The following PURB variants were observed in gnomAD, a reference collection of about 807,000 sequenced individuals.
The protein encoded by PURB is transcriptional regulator protein Pur-beta.
In PURB, 11 loss-of-function variants were observed where a neutral mutation model predicts 21.1. That is an observed-to-expected ratio of 0.52 (90% CI 0.33 to 0.86). The LOEUF is 0.86. PURB is among the 40% of genes least tolerant of loss of function. The probability of loss-of-function intolerance (pLI) is 0.02; values close to 1 mark genes in which losing one functional copy is unlikely to be tolerated. For missense variants in PURB, 357 were observed against 456.5 expected, an observed-to-expected ratio of 0.78 and a Z score of 1.99; for synonymous variants, 246 against 210.8, an observed-to-expected ratio of 1.17 and a Z score of -1.45.
chr7:44,882,089 G>A lies in PURB; in HGVS notation c.*2321C>T, dbSNP rs754203161. 6.6e-6 allele frequency: 1 copy of A among 152,622 alleles called. No homozygotes were observed. Among genetic ancestry groups the A allele is most frequent in the Non-Finnish European group, 1.5e-5 (1 of 68,064 alleles). 9.5% of individuals were successfully genotyped at this position (152,622 alleles called of 1,614,324 possible). A position where few individuals can be genotyped will look rare whatever the true frequency, so the allele number is the denominator to read the frequency against. On this transcript the variant is annotated 3_prime_UTR_variant, in exon 1 of 1. Transcript: ENST00000395699. ...AAGTTACAGCAATCAACTAATAGCT[G>A]CAACTTAAATTTTCATTGCTGCCTC... is the stretch of plus-strand genomic sequence containing the variant.
Position 44,885,368 on chromosome 7 carries a change from C to T in PURB, c.-20G>A. 1 of 1,029,152 alleles carries T rather than the reference C, an allele frequency of 9.7e-7. No homozygotes were observed. Among genetic ancestry groups the T allele is most frequent in the Non-Finnish European group, 1.2e-6 (1 of 830,436 alleles). The allele number at this position is 1,029,152 out of a possible 1,614,324, so 63.8% of individuals were successfully genotyped here. On this transcript the variant is annotated 5_prime_UTR_variant, in exon 1 of 1. Coordinates refer to ENST00000395699, the MANE Select transcript of PURB (RefSeq NM_033224.5). ...CGCCATCTTCTAGGCCGCCGCCTCGCCGCCACCGCCCGCCGCGCTCGCGCC... is the reference window on the plus strand; with the variant it reads ...CGCCATCTTCTAGGCCGCCGCCTCGTCGCCACCGCCCGCCGCGCTCGCGCC...
chr7:44,881,919 AAAG>A lies in PURB; in HGVS notation c.*2488_*2490del, dbSNP rs1219938139. The A allele has an allele frequency of 6.5e-6, 1 of 154,664 alleles. No homozygotes were observed. The highest frequency in any genetic ancestry group is 2.4e-5 in the African/African-American group (1 of 41,530). The allele number at this position is 154,664 out of a possible 1,614,324, so 9.6% of individuals were successfully genotyped here. A position where few individuals can be genotyped will look rare whatever the true frequency, so the allele number is the denominator to read the frequency against. On this transcript the variant is annotated 3_prime_UTR_variant, in exon 1 of 1. Transcript: ENST00000395699. ...TGCAATTCAGCCAAACAAAAAGAAA[AAAG>A]AATAAACCAACCCCTTAAAAAGGAG...
chr7:44,882,384 T>C lies in PURB; in HGVS notation c.*2026A>G, dbSNP rs1488522325. 1 of 152,560 alleles carries C rather than the reference T, an allele frequency of 6.6e-6. No individual in the cohort carries two copies. The highest frequency in any genetic ancestry group is 1.9e-4 in the East Asian group (1 of 5,200). The allele number at this position is 152,560 out of a possible 1,614,324, so 9.5% of individuals were successfully genotyped here. A position where few individuals can be genotyped will look rare whatever the true frequency, so the allele number is the denominator to read the frequency against. On this transcript the variant is annotated 3_prime_UTR_variant, in exon 1 of 1. Coordinates refer to ENST00000395699, the MANE Select transcript of PURB (RefSeq NM_033224.5). ...GGAGAAAAATTTAAAAGAAAAGCTT[T>C]AAAAAAATCTGTTTAAAAATTCTAC...
rs1260362970 is a variant in PURB at position 44,881,065 on chromosome 7, TCA to T, written c.*3343_*3344del. On this transcript the variant is annotated 3_prime_UTR_variant, in exon 1 of 1. Transcript: ENST00000395699. Reference sequence around the variant, plus strand: ...TAGAAGGAAGAGTAGTAGGATCTCTTCACAGATTTTTATTCTTTTGATTCTGT... The same window carrying T: ...TAGAAGGAAGAGTAGTAGGATCTCTTCAGATTTTTATTCTTTTGATTCTGT... 2 of 152,604 alleles carry T rather than the reference TCA, an allele frequency of 1.3e-5. No individual in the cohort carries two copies. The highest frequency in any genetic ancestry group is 4.8e-5 in the African/African-American group (2 of 41,454). 9.5% of individuals were successfully genotyped at this position (152,604 alleles called of 1,614,324 possible). A position where few individuals can be genotyped will look rare whatever the true frequency, so the allele number is the denominator to read the frequency against.
Position 44,885,375 on chromosome 7 carries a change from C to T in PURB, c.-27G>A, listed in dbSNP as rs1793943517. The T allele has an allele frequency of 2.0e-6, 2 of 993,152 alleles. No individual in the cohort carries two copies. Among genetic ancestry groups the T allele is most frequent in the Non-Finnish European group, 1.2e-6 (1 of 803,328 alleles). 61.5% of individuals were successfully genotyped at this position (993,152 alleles called of 1,614,324 possible). On this transcript the variant is annotated 5_prime_UTR_variant, in exon 1 of 1. Coordinates refer to ENST00000395699, the MANE Select transcript of PURB (RefSeq NM_033224.5). The stretch of plus-strand genomic sequence containing the variant: ...TTCTAGGCCGCCGCCTCGCCGCCAC[C>T]GCCCGCCGCGCTCGCGCCCCCGCCC...
chr7:44,883,650 T>G lies in PURB; in HGVS notation c.*760A>C, dbSNP rs1385309457. On this transcript the variant is annotated 3_prime_UTR_variant, in exon 1 of 1. Transcript: ENST00000395699. ...TTTGTCAACTTTGAAACTATTTTAG[T>G]AACGGATTCTACTCCAAGCATTGCT... 1 of 152,656 alleles carries G rather than the reference T, an allele frequency of 6.6e-6. No individual in the cohort carries two copies. The highest frequency in any genetic ancestry group is 1.5e-5 in the Non-Finnish European group (1 of 68,050). 9.5% of individuals were successfully genotyped at this position (152,656 alleles called of 1,614,324 possible).
At position 44,884,445 on chromosome 7, in the gene PURB, C is replaced by T. The variant is rs746983888; in HGVS notation, c.904G>A (p.Glu302Lys). The T allele has an allele frequency of 1.2e-6, 2 of 1,613,430 alleles. No homozygotes were observed. Among genetic ancestry groups the T allele is most frequent in the Admixed American group, 1.7e-5 (1 of 60,016 alleles). ...ERRGGGSGGG[E>K]ESEGEEVDED ...TCCACCTCCTCACCCTCTGACTCTTCGCCGCCGCCGCTGCCCCCACCACGT... is the reference window on the plus strand; with the variant it reads ...TCCACCTCCTCACCCTCTGACTCTTTGCCGCCGCCGCTGCCCCCACCACGT... Residue 302 changes from glutamate to lysine, a missense_variant, in exon 1 of 1, where the codon GAA (glutamate) becomes AAA (lysine). Coordinates refer to ENST00000395699, the MANE Select transcript of PURB (RefSeq NM_033224.5).
rs1448475695 is a variant in PURB, at chr7:44,882,360, G to A, written c.*2050C>T. 6.6e-6 allele frequency: 1 copy of A among 152,486 alleles called. No individual in the cohort carries two copies. The highest frequency in any genetic ancestry group is 2.4e-5 in the African/African-American group (1 of 41,400). 9.4% of individuals were successfully genotyped at this position (152,486 alleles called of 1,614,324 possible). On this transcript the variant is annotated 3_prime_UTR_variant, in exon 1 of 1. Transcript: ENST00000395699. Reference sequence around the variant, plus strand: ...AATTTAGGAAACATTCTTTGCAACGGAGAAAAATTTAAAAGAAAAGCTTTA... The same window carrying A: ...AATTTAGGAAACATTCTTTGCAACGAAGAAAAATTTAAAAGAAAAGCTTTA...
At position 44,884,973 on chromosome 7, in the gene PURB, G is replaced by T; in HGVS notation, c.376C>A (p.Arg126Ser). ...TCCAGGTAGTACTTGCGGTTCTCAC[G>T]CACCAAGAATTCGCTCTTGAGCGCG... ...RRALKSEFLV[R>S]ENRKYYLDLK... is the part of the protein sequence containing the mutation. Residue 126 changes from arginine to serine, a missense_variant, in exon 1 of 1, where the codon CGT becomes AGT. Transcript: ENST00000395699. The T allele has an allele frequency of 6.4e-7, 1 of 1,568,350 alleles. No individual in the cohort carries two copies.
At position 44,879,316 on chromosome 7, in the gene PURB, C is replaced by G. The variant is rs1793843096; in HGVS notation, c.*5094G>C. 6.6e-6 allele frequency: 1 copy of G among 152,364 alleles called. No homozygotes were observed. The highest frequency in any genetic ancestry group is 1.9e-4 in the East Asian group (1 of 5,186). The allele number at this position is 152,364 out of a possible 1,614,324, so 9.4% of individuals were successfully genotyped here. ...TGCTGGGATTACAGGCGTGAGCCAC[C>G]ACGCCCGGCCGCATTTGGAATCTCA... On this transcript the variant is annotated 3_prime_UTR_variant, in exon 1 of 1. Transcript: ENST00000395699.
chr7:44,884,351 G>C lies in PURB; in HGVS notation c.*59C>G. ...GCTCACTGGGGATGAGCAGGAAAGG[G>C]AATTCTCTAGCCAAGGGGATGGTGG... On this transcript the variant is annotated 3_prime_UTR_variant, in exon 1 of 1. Transcript: ENST00000395699. The C allele has an allele frequency of 1.3e-6, 2 of 1,575,660 alleles. No individual in the cohort carries two copies. Among genetic ancestry groups the C allele is most frequent in the South Asian group, 1.2e-5 (1 of 86,178 alleles).
chr7:44,884,715 C>G lies in PURB; in HGVS notation c.634G>C (p.Gly212Arg). Reference sequence around the variant, plus strand: ...GGGAGCTCTCCATACAGGCCGCCCCCTGGGCCCCCGGCGCCGCCTCCCGGG... The same window carrying G: ...GGGAGCTCTCCATACAGGCCGCCCCGTGGGCCCCCGGCGCCGCCTCCCGGG... ...GGPGGGAGGPGGGLYGELPEG... is the reference protein window; with the variant it reads ...GGPGGGAGGPRGGLYGELPEG... The change falls in exon 1 of 1, where the codon GGG becomes CGG. Residue 212 changes from glycine to arginine, a missense_variant. Coordinates refer to ENST00000395699, the MANE Select transcript of PURB (RefSeq NM_033224.5). 1 of 1,613,214 alleles carries G rather than the reference C, an allele frequency of 6.2e-7. No individual in the cohort carries two copies. The highest frequency in any genetic ancestry group is 8.5e-7 in the Non-Finnish European group (1 of 1,179,836).
Position 44,880,078 on chromosome 7 carries a change from G to C in PURB, c.*4332C>G, listed in dbSNP as rs892405945. 1 of 152,106 alleles carries C rather than the reference G, an allele frequency of 6.6e-6. No individual in the cohort carries two copies. The highest frequency in any genetic ancestry group is 2.4e-5 in the African/African-American group (1 of 41,412). The allele number at this position is 152,106 out of a possible 1,614,324, so 9.4% of individuals were successfully genotyped here. ...CCACTATATTCTAAAACCTGAGATTGGACATCAAAACAGTCAACTTTGTTA... is the reference window on the plus strand; with the variant it reads ...CCACTATATTCTAAAACCTGAGATTCGACATCAAAACAGTCAACTTTGTTA... On this transcript the variant is annotated 3_prime_UTR_variant, in exon 1 of 1. Transcript: ENST00000395699.
rs1177268836 is a variant in PURB, at chr7:44,880,755, A to T, written c.*3655T>A. 6.5e-6 allele frequency: 1 copy of T among 152,676 alleles called. No homozygotes were observed. The highest frequency in any genetic ancestry group is 1.5e-5 in the Non-Finnish European group (1 of 68,046). 9.5% of individuals were successfully genotyped at this position (152,676 alleles called of 1,614,324 possible). On this transcript the variant is annotated 3_prime_UTR_variant, in exon 1 of 1. Transcript: ENST00000395699. ...ATCCAGAGGTAACAAAGGAAGCAGG[A>T]GGTTAACGGCTGCCTGCACCAAAAG...
Position 44,885,249 on chromosome 7 carries a change from G to A in PURB, c.100C>T (p.Leu34=). ...TGGATGTCCAGCCGCTTCGAGGCCA[G>A]CTCCTGCGTCTCTTGCTCGCCGCCG... ...RGGGEQETQE[L]ASKRLDIQNK... Residue 34 remains leucine (L), a synonymous_variant, in exon 1 of 1, where the codon CTG becomes TTG. Coordinates refer to ENST00000395699, the MANE Select transcript of PURB (RefSeq NM_033224.5). 2 of 1,560,870 alleles carry A rather than the reference G, an allele frequency of 1.3e-6. No individual in the cohort carries two copies. The highest frequency in any genetic ancestry group is 1.7e-6 in the Non-Finnish European group (2 of 1,161,270).
Position 44,885,293 on chromosome 7 carries a change from A to T in PURB, c.56T>A (p.Phe19Tyr), listed in dbSNP as rs1428781543. 6.6e-7 allele frequency: 1 copy of T among 1,516,444 alleles called. No homozygotes were observed. Among genetic ancestry groups the T allele is most frequent in the Non-Finnish European group, 8.7e-7 (1 of 1,143,444 alleles). 93.9% of individuals were successfully genotyped at this position (1,516,444 alleles called of 1,614,324 possible). The change falls in exon 1 of 1, where the codon TTC becomes TAC. Residue 19 changes from phenylalanine to tyrosine, a missense_variant. Coordinates refer to ENST00000395699, the MANE Select transcript of PURB (RefSeq NM_033224.5). ...ERGGGGGPCG[F>Y]QPASRGGGEQ... ...GCCGCCGCCGCGGGACGCGGGCTGGAACCCGCACGGCCCACCGCCGCCGCC... is the reference window on the plus strand; with the variant it reads ...GCCGCCGCCGCGGGACGCGGGCTGGTACCCGCACGGCCCACCGCCGCCGCC...
rs1793815599 is a variant in PURB, at chr7:44,877,439, TTA to T, written c.*6969_*6970del. 6.6e-6 allele frequency: 1 copy of T among 152,288 alleles called. No individual in the cohort carries two copies. The highest frequency in any genetic ancestry group is 2.4e-5 in the African/African-American group (1 of 41,552). The allele number at this position is 152,288 out of a possible 1,614,324, so 9.4% of individuals were successfully genotyped here. A position where few individuals can be genotyped will look rare whatever the true frequency, so the allele number is the denominator to read the frequency against. On this transcript the variant is annotated 3_prime_UTR_variant, in exon 1 of 1. Coordinates refer to ENST00000395699, the MANE Select transcript of PURB (RefSeq NM_033224.5). Reference sequence around the variant, plus strand: ...CGAAACGTGCAAAACCATGGACTCTTTATAAGTACGTCCCATACTGACTTAAA... The same window carrying T: ...CGAAACGTGCAAAACCATGGACTCTTTAAGTACGTCCCATACTGACTTAAA...
Position 44,877,159 on chromosome 7 carries a change from T to G in PURB, c.*7251A>C, listed in dbSNP as rs1373801786. On this transcript the variant is annotated 3_prime_UTR_variant, in exon 1 of 1. Coordinates refer to ENST00000395699, the MANE Select transcript of PURB (RefSeq NM_033224.5). ...AGTCCCAGCTTTGGAGTGAATAGTCTAAGAAAGCCACTGGTAGATACTATG... is the reference window on the plus strand; with the variant it reads ...AGTCCCAGCTTTGGAGTGAATAGTCGAAGAAAGCCACTGGTAGATACTATG... 1 of 152,590 alleles carries G rather than the reference T, an allele frequency of 6.6e-6. No homozygotes were observed. Among genetic ancestry groups the G allele is most frequent in the African/African-American group, 2.4e-5 (1 of 41,424 alleles). The allele number at this position is 152,590 out of a possible 1,614,324, so 9.5% of individuals were successfully genotyped here.
In PURB at chr7:44,878,055, G is replaced by T. The variant is rs1793825451; in HGVS notation, c.*6355C>A. Reference sequence around the variant, plus strand: ...TCACCATCCTATTTCTAAATATAAAGATTCTTCCAACCAGCCTGATCTTGC... The same window carrying T: ...TCACCATCCTATTTCTAAATATAAATATTCTTCCAACCAGCCTGATCTTGC... On this transcript the variant is annotated 3_prime_UTR_variant, in exon 1 of 1. Coordinates refer to ENST00000395699, the MANE Select transcript of PURB (RefSeq NM_033224.5). 6.6e-6 allele frequency: 1 copy of T among 152,172 alleles called. No homozygotes were observed. Among genetic ancestry groups the T allele is most frequent in the Non-Finnish European group, 1.5e-5 (1 of 68,034 alleles). 9.4% of individuals were successfully genotyped at this position (152,172 alleles called of 1,614,324 possible).
Sources: gnomAD v4.1 joint callset for allele counts on GRCh38, gnomAD v4.1.1 for gene constraint, MANE v1.5 for transcripts, NCBI Gene and HGNC (gene_info 2026-07-23, HGNC 2026-07-21) for gene names.